The following CFAP300 variants were observed in gnomAD, a reference collection of about 807,000 sequenced individuals.
The protein encoded by CFAP300 is cilia- and flagella-associated protein 300.
CFAP300 carries 32 observed loss-of-function variants against 33.0 expected under a neutral mutation model. That is an observed-to-expected ratio of 0.97 (90% CI 0.73 to 1.30). CFAP300 has a LOEUF of 1.30. CFAP300 is among the 50% of genes most tolerant of loss of function. The probability of loss-of-function intolerance (pLI) is 0.00; values close to 1 mark genes in which losing one functional copy is unlikely to be tolerated. For missense variants in CFAP300, 356 were observed against 318.1 expected, an observed-to-expected ratio of 1.12 and a Z score of -0.90; for synonymous variants, 102 against 106.8, an observed-to-expected ratio of 0.95 and a Z score of 0.28.
Position 102,083,137 on chromosome 11 carries a change from G to T in CFAP300, c.742G>T (p.Asp248Tyr), listed in dbSNP as rs751038315. 2 of 1,568,966 alleles carry T rather than the reference G, an allele frequency of 1.3e-6. No homozygotes were observed. Among genetic ancestry groups the T allele is most frequent in the South Asian group, 1.2e-5 (1 of 82,760 alleles). ...HEQTFSYFIV[D>Y]PIRRHLHVLY... ...ACAGACATTTTCTTACTTTATTGTG[G>T]ATCCTATCAGGCGTCACCTTCATGT... Residue 248 changes from aspartate (D) to tyrosine (Y), a missense_variant, in exon 7 of 7, where the codon GAT (aspartate) becomes TAT (tyrosine). Coordinates refer to ENST00000434758, the MANE Select transcript of CFAP300 (RefSeq NM_032930.3).
intron 3 of CFAP300, 40 bp from the exon 4 acceptor site, chr11:102,066,445 A>C (rs1279887498): frequency 3.4e-6 from 5 of 1,450,322 alleles, no homozygotes; most frequent in Non-Finnish European, 4.7e-6. Context: ...TACTAAATTA[A>C]TTTTTCTATC....
At chr11:102,082,903 A>G (rs566100830) in intron 6 of CFAP300, among the ~76,000 whole-genome samples, 168 bp from the exon 7 acceptor site, 45 of 152,328 alleles carry the variant, frequency 3.0e-4, no homozygotes, top group Non-Finnish European at 4.7e-4. Flanking sequence ...AAGCTGAAGC[A>G]GGAGAATCAC....
chr11:102,055,361 C>CTTTTTTTTTTTTTTT lies in CFAP300; in HGVS notation c.193-3506_193-3505insTTTTTTTTTTTTTTT, dbSNP rs561779599. On this transcript the variant is annotated intron_variant, in intron 2 of 6. Coordinates refer to ENST00000434758, the MANE Select transcript of CFAP300 (RefSeq NM_032930.3). ...ATTTTGTTTTACCACATGCGTTACT[C>CTTTTTTTTTTTTTTT]TTTTTTTTTTTTTGAGATAGGGTCT... 1.1e-4 allele frequency among the ~76,000 whole-genome samples: 12 copies of CTTTTTTTTTTTTTTT among 113,544 alleles called. 1 individual carries two copies. The highest frequency in any genetic ancestry group is 2.9e-4 in the African/African-American group (8 of 27,132). 74.5% of individuals were successfully genotyped at this position (113,544 alleles called of 152,430 possible).
rs528461714 is a variant in CFAP300, at chr11:102,070,976, C to G, written c.435+4325C>G. Among the ~76,000 whole-genome samples, 11 of 152,224 alleles carry G rather than the reference C, an allele frequency of 7.2e-5. 1 individual carries two copies. In the South Asian group the frequency reaches 2.1e-3, roughly 29 times the overall value. ...TTTGTGACTCAGCATATGGTCTATC[C>G]TGAAGAATGTTCCATGTGCTGATGA... On this transcript the variant is annotated intron_variant, in intron 4 of 6. Transcript: ENST00000434758.
intron 2 of CFAP300, among the ~76,000 whole-genome samples, chr11:102,048,166 C>T (rs1941914934): frequency 6.6e-6 from 1 of 152,092 alleles, no homozygotes; most frequent in South Asian, 2.1e-4. Flanking sequence ...GAAGATCGCG[C>T]GCTCTCTAGA....
rs1008567031 is a variant in CFAP300 at position 102,075,779 on chromosome 11, G to A, written c.436-94G>A. The A allele has an allele frequency of 1.0e-5, 10 of 971,604 alleles. No homozygotes were observed. In the East Asian group the frequency reaches 2.3e-4, roughly 22 times the overall value. The allele number at this position is 971,604 out of a possible 1,614,324, so 60.2% of individuals were successfully genotyped here. ...CTCAAGATTGGTTCTTAAAATAGGT[G>A]TAAGATTATTTTTAAGTCTATAAAA... On this transcript the variant is annotated intron_variant, in intron 4 of 6. Coordinates refer to ENST00000434758, the MANE Select transcript of CFAP300 (RefSeq NM_032930.3).
At chr11:102,067,004 T>G (rs1201555409) in intron 4 of CFAP300, among the ~76,000 whole-genome samples, 1 of 152,182 alleles carries the variant, frequency 6.6e-6, no homozygotes, top group African/African-American at 2.4e-5. Flanking sequence ...ATAAGGCCAT[T>G]TTTGCTCAAT....
intron 2 of CFAP300, among the ~76,000 whole-genome samples, chr11:102,056,894 G>T (rs1479076244): frequency 2.0e-5 from 3 of 151,546 alleles, no homozygotes; most frequent in Non-Finnish European, 4.4e-5. Context: ...CAAAGTCCTG[G>T]GATTACAGGC....
intron 4 of CFAP300, among the ~76,000 whole-genome samples, chr11:102,070,417 A>G (rs1942296103): frequency 6.6e-6 from 1 of 152,242 alleles, no homozygotes; most frequent in Non-Finnish European, 1.5e-5. Context: ...ACTTGCTACT[A>G]GACAGTGATT....
intron 5 of CFAP300, among the ~76,000 whole-genome samples, chr11:102,078,439 A>G (rs1942430177): frequency 6.6e-6 from 1 of 152,212 alleles, no homozygotes; most frequent in Non-Finnish European, 1.5e-5. Context: ...ATCTGATATA[A>G]TGCAATTATT....
chr11:102,059,519 A>G (rs552727680), intron 3 of CFAP300, among the ~76,000 whole-genome samples: 12 of 152,084 alleles, frequency 7.9e-5, no homozygotes, highest in African/African-American at 2.9e-4. Flanking sequence ...CGTGGTGGCG[A>G]GCACCTGTAA....
chr11:102,059,024 C>A, intron 3 of CFAP300, 69 bp downstream of exon 3: 3 of 908,650 alleles, frequency 3.3e-6, no homozygotes, highest in Non-Finnish European at 5.0e-6. Flanking sequence ...CAGGAATTTT[C>A]ATTATTAAAA....
intron 5 of CFAP300, among the ~76,000 whole-genome samples, chr11:102,079,394 T>C (rs911048199): frequency 1.1e-4 from 16 of 152,196 alleles, no homozygotes; most frequent in African/African-American, 3.4e-4. Context: ...TGTTAAGCAA[T>C]AGAGAAATCA....
intron 2 of CFAP300, among the ~76,000 whole-genome samples, chr11:102,054,695 C>G (rs1942023216): frequency 7.7e-6 from 1 of 129,136 alleles, no homozygotes; most frequent in Non-Finnish European, 1.5e-5. Flanking sequence ...AACCATTGCA[C>G]TCCAGCCTGA....
intron 4 of CFAP300, among the ~76,000 whole-genome samples, chr11:102,070,501 T>C (rs1334836850): frequency 2.0e-5 from 3 of 152,212 alleles, no homozygotes; most frequent in Non-Finnish European, 4.4e-5. Context: ...TTTGATAGCC[T>C]TTCTCCATCT....
At chr11:102,076,566 A>T (rs1440155518) in intron 5 of CFAP300, among the ~76,000 whole-genome samples, 1 of 152,138 alleles carries the variant, frequency 6.6e-6, no homozygotes, top group Non-Finnish European at 1.5e-5. Flanking sequence ...AACCTTACAA[A>T]TTTCTTATTT....
intron 3 of CFAP300, among the ~76,000 whole-genome samples, chr11:102,062,899 G>A (rs1942168741): frequency 6.6e-6 from 1 of 152,248 alleles, no homozygotes; most frequent in Admixed American, 6.5e-5. Context: ...TGAACAATGA[G>A]ATGAGATGAA....
chr11:102,080,696 G>A (rs552820855), intron 5 of CFAP300, among the ~76,000 whole-genome samples: 4 of 152,030 alleles, frequency 2.6e-5, no homozygotes, highest in South Asian at 2.1e-4. Flanking sequence ...CACCGCGACC[G>A]GCCCACAAAT....
intron 4 of CFAP300, 149 bp from the exon 5 acceptor site, chr11:102,075,724 T>C (rs1565397255): frequency 3.9e-6 from 2 of 516,408 alleles, no homozygotes; most frequent in Non-Finnish European, 6.7e-6. Context: ...GGCAAATAAA[T>C]GCAGATTACA....
Sources: gnomAD v4.1 joint callset for allele counts (sites outside exome capture counted in the v4.1 genomes callset) on GRCh38, gnomAD v4.1.1 for gene constraint, MANE v1.5 for transcripts, NCBI Gene and HGNC (gene_info 2026-07-23, HGNC 2026-07-21) for gene names.